CNTNAP3B: variants seen among roughly 807,000 people sequenced by gnomAD.
The protein encoded by CNTNAP3B is contactin associated protein family member 3B.
In CNTNAP3B, 25 loss-of-function variants were observed where a neutral mutation model predicts 108.9. That is an observed-to-expected ratio of 0.23 (90% CI 0.17 to 0.32). CNTNAP3B has a LOEUF of 0.32. Among genes scored for constraint, CNTNAP3B ranks in the 10% least tolerant of loss-of-function variants. CNTNAP3B has a pLI of 1.00. For missense variants in CNTNAP3B, 252 were observed against 1,210.4 expected, an observed-to-expected ratio of 0.21 and a Z score of 11.75; for synonymous variants, 103 against 473.4, an observed-to-expected ratio of 0.22 and a Z score of 10.16.
At chr9:41,941,998 T>C (rs1248630286) in intron 13 of CNTNAP3B, among the ~76,000 whole-genome samples, 1 of 152,298 alleles carries the variant, frequency 6.6e-6, no homozygotes, top group Non-Finnish European at 1.5e-5. Context: ...TTAACAACAT[T>C]CTAATCCCCC....
intron 14 of CNTNAP3B, among the ~76,000 whole-genome samples, chr9:41,934,130 C>CATATATATATACACATAT (rs1410192498): frequency 1.7e-5 from 2 of 116,500 alleles, no homozygotes; most frequent in Non-Finnish European, 3.5e-5. Context: ...TATACACACA[C>CATATATATATACACATAT]ATATATATAT....
chr9:41,927,754 G>A (rs1004462716), intron 15 of CNTNAP3B, among the ~76,000 whole-genome samples: 24 of 152,224 alleles, frequency 1.6e-4, no homozygotes, highest in Non-Finnish European at 7.3e-5. Context: ...CAAAATCACA[G>A]AGGTAACAGA....
intron 10 of CNTNAP3B, among the ~76,000 whole-genome samples, chr9:41,968,060 G>A (rs1168590842): frequency 1.3e-5 from 2 of 152,256 alleles, no homozygotes; most frequent in Non-Finnish European, 2.9e-5. Context: ...GCCTATAACA[G>A]TAAAAACAAT....
chr9:42,110,366 G>A lies in CNTNAP3B; in HGVS notation c.86-5627C>T, dbSNP rs530615795. 7.3e-5 allele frequency among the ~76,000 whole-genome samples: 10 copies of A among 136,828 alleles called. 2 individuals carry two copies. The highest frequency in any genetic ancestry group is 2.2e-4 in the Admixed American group (3 of 13,658). 89.8% of individuals were successfully genotyped at this position (136,828 alleles called of 152,430 possible). A position where few individuals can be genotyped will look rare whatever the true frequency, so the allele number is the denominator to read the frequency against. On this transcript the variant is annotated intron_variant, in intron 1 of 23. Transcript: ENST00000377561. ...GAAAGGAGCTAAGCACTGTGTCGGCGGAACCTAAGGATGGAAGGAGAGGGG... is the reference window on the plus strand; with the variant it reads ...GAAAGGAGCTAAGCACTGTGTCGGCAGAACCTAAGGATGGAAGGAGAGGGG...
chr9:41,959,647 C>T (rs1435817040), intron 12 of CNTNAP3B, among the ~76,000 whole-genome samples: 1 of 152,310 alleles, frequency 6.6e-6, no homozygotes, highest in Admixed American at 6.5e-5. Context: ...GCCTGTGTTT[C>T]TTTATCTTCA....
At chr9:42,110,645 A>C (rs1828177166) in intron 1 of CNTNAP3B, among the ~76,000 whole-genome samples, 1 of 137,828 alleles carries the variant, frequency 7.3e-6, no homozygotes, top group African/African-American at 2.9e-5. Flanking sequence ...TTGAGTCAGC[A>C]GGGAGCACGG....
chr9:41,921,642 C>T (rs1442923571), intron 17 of CNTNAP3B, among the ~76,000 whole-genome samples: 1 of 152,286 alleles, frequency 6.6e-6, no homozygotes, highest in African/African-American at 2.4e-5. Flanking sequence ...TATATTTTTC[C>T]CAAGGGGAAA....
chr9:41,940,148 C>T (rs865819414), intron 13 of CNTNAP3B, among the ~76,000 whole-genome samples: 83 of 152,372 alleles, frequency 5.4e-4, no homozygotes, highest in African/African-American at 1.9e-3. Context: ...TCATCCGAAT[C>T]TCAAAAAGAG....
intron 2 of CNTNAP3B, among the ~76,000 whole-genome samples, chr9:42,081,351 T>C (rs560442490): frequency 6.7e-6 from 1 of 148,882 alleles, no homozygotes; most frequent in African/African-American, 2.5e-5. Context: ...TTATCTTATG[T>C]ACCGTTTTAT....
In CNTNAP3B at chr9:42,044,906, G is replaced by T. The variant is rs948750385; in HGVS notation, c.391-31381C>A. On this transcript the variant is annotated intron_variant, in intron 3 of 23. Transcript: ENST00000377561. ...TGAGCAAGCTGAAAGCAATAAAAAT[G>T]TACTGGACTGTGATAAAAAGGACAT... Among the ~76,000 whole-genome samples, 9 of 103,522 alleles carry T rather than the reference G, an allele frequency of 8.7e-5. 2 individuals carry two copies. Among genetic ancestry groups the T allele is most frequent in the Non-Finnish European group, 1.2e-4 (6 of 48,212 alleles). The allele number at this position is 103,522 out of a possible 152,430, so 67.9% of individuals were successfully genotyped here. A position where few individuals can be genotyped will look rare whatever the true frequency, so the allele number is the denominator to read the frequency against.
chr9:41,979,959 T>C (rs1274303555), intron 9 of CNTNAP3B: 2 of 115,522 alleles, frequency 1.7e-5, no homozygotes, highest in Non-Finnish European at 3.4e-5. Context: ...TTTTTTTTTT[T>C]TTTTTTTTTT....
rs547214322 is a variant in CNTNAP3B at position 41,922,554 on chromosome 9, G to A, written c.2755+123C>T. On this transcript the variant is annotated intron_variant, in intron 17 of 23. Coordinates refer to ENST00000377561, the MANE Select transcript of CNTNAP3B (RefSeq NM_001201380.3). ...GCTCCTGGAACCTACCAGGTTATCA[G>A]CAAATAGTACCAATAAGCAGTAGTT... The A allele has an allele frequency of 1.2e-5, 18 of 1,488,738 alleles. No individual in the cohort carries two copies. In the East Asian group the frequency reaches 3.7e-4, roughly 30 times the overall value. The allele number at this position is 1,488,738 out of a possible 1,614,324, so 92.2% of individuals were successfully genotyped here.
intron 9 of CNTNAP3B, among the ~76,000 whole-genome samples, chr9:41,976,861 A>G (rs892408896): frequency 7.6e-6 from 1 of 132,420 alleles, no homozygotes; most frequent in African/African-American, 3.1e-5. Context: ...CAGAGGCTGC[A>G]GTGAGCTGTG....
At chr9:41,941,954 A>AT (rs1824359590) in intron 13 of CNTNAP3B, among the ~76,000 whole-genome samples, 2 of 152,376 alleles carry the variant, frequency 1.3e-5, no homozygotes. Flanking sequence ...AGGAGAAAAC[A>AT]TTTTTGAAAT....
intron 2 of CNTNAP3B, among the ~76,000 whole-genome samples, chr9:42,089,659 C>G (rs2118662159): frequency 6.7e-6 from 1 of 148,480 alleles, no homozygotes; most frequent in South Asian, 2.2e-4. Context: ...ATTATTTTCT[C>G]TGCCTCTTAA....
chr9:42,030,783 AGATGTGTGC>A (rs1236077323), intron 3 of CNTNAP3B, among the ~76,000 whole-genome samples: 34 of 91,294 alleles, frequency 3.7e-4, no homozygotes, highest in Non-Finnish European at 4.4e-4. Context: ...AGAGAGAGAG[AGATGTGTGC>A]GAGAGAGAGA....
At position 42,112,291 on chromosome 9, in the gene CNTNAP3B, G is replaced by T. The variant is rs1457172352; in HGVS notation, c.86-7552C>A. 1.4e-5 allele frequency among the ~76,000 whole-genome samples: 2 copies of T among 139,490 alleles called. 1 individual carries two copies. Among genetic ancestry groups the T allele is most frequent in the African/African-American group, 5.7e-5 (2 of 35,198 alleles). 91.5% of individuals were successfully genotyped at this position (139,490 alleles called of 152,430 possible). On this transcript the variant is annotated intron_variant, in intron 1 of 23. Coordinates refer to ENST00000377561, the MANE Select transcript of CNTNAP3B (RefSeq NM_001201380.3). The stretch of plus-strand genomic sequence containing the variant: ...TCACATGTGTGAAGGCCCCAGTAAG[G>T]CTTACTCTTCTGAAATACTGAGGTC...
chr9:41,941,407 C>T (rs1484851187), intron 13 of CNTNAP3B, among the ~76,000 whole-genome samples: 1 of 149,570 alleles, frequency 6.7e-6, no homozygotes, highest in Admixed American at 6.7e-5. Flanking sequence ...ATGGCTATCT[C>T]ATAAAATAGA....
Position 41,925,548 on chromosome 9 carries a change from C to A in CNTNAP3B, c.2366-1455G>T, listed in dbSNP as rs924132248. On this transcript the variant is annotated intron_variant, in intron 15 of 23. Transcript: ENST00000377561. Reference sequence around the variant, plus strand: ...GCGGAGCTTGCAGTGAGCCGAGATCCTGCCACTGCACTCCAGCCTGCGCAA... The same window carrying A: ...GCGGAGCTTGCAGTGAGCCGAGATCATGCCACTGCACTCCAGCCTGCGCAA... 1.8e-4 allele frequency among the ~76,000 whole-genome samples: 27 copies of A among 152,336 alleles called. No homozygotes were observed. The East Asian group carries it at 4.1e-3, about 23-fold the overall frequency.
Sources: gnomAD v4.1 joint callset for allele counts (sites outside exome capture counted in the v4.1 genomes callset) on GRCh38, gnomAD v4.1.1 for gene constraint, MANE v1.5 for transcripts, NCBI Gene and HGNC (gene_info 2026-07-23, HGNC 2026-07-21) for gene names.